Variants in ABLIM1 observed in about 807,000 individuals in gnomAD.
ABLIM1 encodes the protein actin binding LIM protein 1, also known as actin-binding LIM protein 1.
ABLIM1 carries 40 observed loss-of-function variants against 107.0 expected under a neutral mutation model. The ratio of observed to expected loss-of-function variants is 0.37; its 90% CI spans 0.29 to 0.49. The LOEUF (loss-of-function observed/expected upper bound fraction) is 0.49, where lower values mean the gene tolerates loss of function less well. ABLIM1 is among the 20% of genes least tolerant of loss of function. ABLIM1 has a pLI of 0.97. For missense variants in ABLIM1, 857 were observed against 1,008.5 expected (o/e 0.85, Z 2.04); for synonymous variants, 357 against 357.3 (o/e 1.00, Z 0.01).
At chr10:114,727,453 C>T (rs1249170770) in intron 1 of ABLIM1, among the ~76,000 whole-genome samples, 1 of 152,024 alleles carries the variant, frequency 6.6e-6, no homozygotes, top group Non-Finnish European at 1.5e-5. Flanking sequence ...TTGCCCATGT[C>T]ATAGAAAAAA....
chr10:114,774,314 T>A, the ABLIM1 span, among the ~76,000 whole-genome samples: 2 of 152,148 alleles, frequency 1.3e-5, no homozygotes, highest in African/African-American at 4.8e-5. Flanking sequence ...GTCCTATGAA[T>A]GCCATGGCTT....
chr10:114,705,185 T>C (rs560071576), intron 1 of ABLIM1, among the ~76,000 whole-genome samples: 29 of 152,224 alleles, frequency 1.9e-4, no homozygotes, highest in Non-Finnish European at 3.8e-4. Context: ...TTAAGACTTC[T>C]AGGGAAGAGC....
At chr10:114,545,570 A>C (rs2137542129) in intron 5 of ABLIM1, among the ~76,000 whole-genome samples, 1 of 152,344 alleles carries the variant, frequency 6.6e-6, no homozygotes, top group South Asian at 2.1e-4. Flanking sequence ...AATTTCATTA[A>C]AACCACAATA....
At chr10:114,696,822 T>C (rs189396002) in intron 1 of ABLIM1, among the ~76,000 whole-genome samples, 15 of 152,260 alleles carry the variant, frequency 9.9e-5, no homozygotes, top group East Asian at 1.9e-4. Flanking sequence ...TGAACTAATA[T>C]ACCATTCATA....
intron 1 of ABLIM1, among the ~76,000 whole-genome samples, chr10:114,634,000 A>C: frequency 6.7e-6 from 1 of 149,560 alleles, no homozygotes; most frequent in Non-Finnish European, 1.5e-5. Flanking sequence ...CTTCCCCCAC[A>C]CCAGCCCCCA....
chr10:114,612,698 G>A (rs1206356041), intron 1 of ABLIM1, among the ~76,000 whole-genome samples: 1 of 152,188 alleles, frequency 6.6e-6, no homozygotes, highest in African/African-American at 2.4e-5. Context: ...AATGGGCATT[G>A]GCTTCAGTCT....
intron 1 of ABLIM1, among the ~76,000 whole-genome samples, chr10:114,683,710 G>T (rs541295165): frequency 6.6e-5 from 10 of 152,112 alleles, no homozygotes; most frequent in Admixed American, 6.5e-4. Flanking sequence ...ATCAGCAACC[G>T]ATCGCCACAG....
chr10:114,603,082 T>C (rs909119057), intron 1 of ABLIM1, among the ~76,000 whole-genome samples: 1 of 152,198 alleles, frequency 6.6e-6, no homozygotes. Flanking sequence ...GAGCATTATA[T>C]GGGACAAGAA....
intron 1 of ABLIM1, among the ~76,000 whole-genome samples, chr10:114,696,003 C>T (rs1293560867): frequency 1.3e-5 from 2 of 152,236 alleles, no homozygotes; most frequent in African/African-American, 4.8e-5. Context: ...ATTCTCCTAA[C>T]TACAGCCTCC....
At chr10:114,793,846 T>C in the ABLIM1 span, among the ~76,000 whole-genome samples, 17 of 152,346 alleles carry the variant, frequency 1.1e-4, no homozygotes, top group African/African-American at 3.8e-4. Flanking sequence ...CAGACCTGCA[T>C]TGCAGTCTGA....
rs183310601 is a variant in ABLIM1, at chr10:114,637,194, C to T, written c.244+20763G>A. Among the ~76,000 whole-genome samples, 589 of 152,208 alleles carry T rather than the reference C, an allele frequency of 3.9e-3. 2 individuals carry two copies. Among genetic ancestry groups the T allele is most frequent in the African/African-American group, 0.013 (545 of 41,528 alleles). On this transcript the variant is annotated intron_variant, in intron 1 of 22. Transcript: ENST00000533213. Reference sequence around the variant, plus strand: ...AGGCCTGAGTGGCAGTCAGCTTCTCCGGTGACTAAGGACCCTTGCTAATAA... The same window carrying T: ...AGGCCTGAGTGGCAGTCAGCTTCTCTGGTGACTAAGGACCCTTGCTAATAA...
intron 4 of ABLIM1, among the ~76,000 whole-genome samples, chr10:114,548,484 C>T (rs545192525): frequency 7.2e-4 from 109 of 152,270 alleles, no homozygotes; most frequent in African/African-American, 2.2e-3. Context: ...CCTTTTGAAG[C>T]CTGGGTTTCT....
intron 2 of ABLIM1, 190 bp downstream of exon 2, chr10:114,601,637 T>C (rs2076012499): frequency 2.2e-6 from 2 of 897,032 alleles, no homozygotes; most frequent in Middle Eastern, 2.2e-4. Context: ...CACGAATCAC[T>C]GGTTTTAGCA....
At chr10:114,656,750 G>T (rs1317840579) in intron 1 of ABLIM1, among the ~76,000 whole-genome samples, 1 of 152,130 alleles carries the variant, frequency 6.6e-6, no homozygotes, top group African/African-American at 2.4e-5. Flanking sequence ...CCATAACAAG[G>T]AATAAAGTAC....
chr10:114,565,788 CTTTT>C (rs577896964), intron 4 of ABLIM1, among the ~76,000 whole-genome samples: 354 of 101,034 alleles, frequency 3.5e-3, no homozygotes, highest in African/African-American at 0.012. Context: ...GAAATGATTT[CTTTT>C]TTTTTTTTTT....
intron 12 of ABLIM1, among the ~76,000 whole-genome samples, chr10:114,462,885 C>T (rs2064241998): frequency 6.6e-6 from 1 of 152,038 alleles, no homozygotes; most frequent in Admixed American, 6.6e-5. Flanking sequence ...ATGCTATGCC[C>T]GTTCTAAGAC....
chr10:114,741,996 A>G (rs921708742), intron 1 of ABLIM1, among the ~76,000 whole-genome samples: 2 of 152,250 alleles, frequency 1.3e-5, no homozygotes, highest in Non-Finnish European at 2.9e-5. Flanking sequence ...AACCATAACA[A>G]AACATAAGTA....
intron 8 of ABLIM1, among the ~76,000 whole-genome samples, chr10:114,477,400 T>C (rs2056623337): frequency 6.6e-6 from 1 of 152,176 alleles, no homozygotes; most frequent in African/African-American, 2.4e-5. Flanking sequence ...GACAAAGGCC[T>C]GTTTTCATTA....
At chr10:114,669,635 A>G (rs569337112) in intron 1 of ABLIM1, among the ~76,000 whole-genome samples, 1 of 152,326 alleles carries the variant, frequency 6.6e-6, no homozygotes, top group East Asian at 1.9e-4. Context: ...GAAACAGGAG[A>G]ACAAAGTGCT....
Sources: gnomAD v4.1 joint callset for allele counts (sites outside exome capture counted in the v4.1 genomes callset) on GRCh38, gnomAD v4.1.1 for gene constraint, MANE v1.5 for transcripts, NCBI Gene and HGNC (gene_info 2026-07-23, HGNC 2026-07-21) for gene names.